SMG1: variants seen among roughly 807,000 people sequenced by gnomAD.
The protein encoded by SMG1 is SMG1 nonsense mediated mRNA decay associated PI3K related kinase, also known as serine/threonine-protein kinase SMG1.
In SMG1, 22 loss-of-function variants were observed where a neutral mutation model predicts 419.9. The ratio of observed to expected loss-of-function variants is 0.05; its 90% CI spans 0.04 to 0.07. The LOEUF (loss-of-function observed/expected upper bound fraction) is 0.07. Among genes scored for constraint, SMG1 ranks in the 10% least tolerant of loss-of-function variants. SMG1 has a pLI of 1.00. For missense variants in SMG1, 3,185 were observed against 4,342.0 expected, an observed-to-expected ratio of 0.73 and a Z score of 7.49; for synonymous variants, 1,538 against 1,553.5, an observed-to-expected ratio of 0.99 and a Z score of 0.23.
intron 4 of SMG1, among the ~76,000 whole-genome samples, chr16:18,891,967 T>C (rs11074341): frequency 0.52 from 78,321 of 151,944 alleles, 20,369 homozygotes; most frequent in Middle Eastern, 0.59. Context: ...CTCAGGAGGC[T>C]GCAGTGGGAG....
chr16:18,843,415 G>A (rs1007930707), intron 39 of SMG1, among the ~76,000 whole-genome samples: 1 of 152,180 alleles, frequency 6.6e-6, no homozygotes, highest in African/African-American at 2.4e-5. Flanking sequence ...CAGACTGTAT[G>A]TACAGTTGTG....
intron 46 of SMG1, 82 bp from the exon 47 acceptor site, chr16:18,836,614 A>G: frequency 2.1e-6 from 3 of 1,438,130 alleles, no homozygotes; most frequent in South Asian, 2.5e-5. Flanking sequence ...ATGTGCTCAC[A>G]CATGGACTGT....
Position 18,852,065 on chromosome 16 carries a change from G to A in SMG1, c.5052+2C>T. On this transcript the variant is annotated splice_donor_variant, in intron 33 of 62. Coordinates refer to ENST00000446231, the MANE Select transcript of SMG1 (RefSeq NM_015092.5). LOFTEE classifies it low-confidence loss of function (GC_TO_GT_DONOR). ...TTGCCCCAAGCACCATGTTTTCCTT[G>A]CCTGAATCCCCGCCGGCCGACACAC... 1 of 1,602,976 alleles carries A rather than the reference G, an allele frequency of 6.2e-7. No homozygotes were observed. Among genetic ancestry groups the A allele is most frequent in the South Asian group, 1.1e-5 (1 of 88,526 alleles).
At chr16:18,854,495 T>C (rs191357220) in intron 30 of SMG1, among the ~76,000 whole-genome samples, 161 bp downstream of exon 30, 27 of 152,232 alleles carry the variant, frequency 1.8e-4, no homozygotes, top group African/African-American at 6.0e-4. Context: ...ATTATAAAGG[T>C]AAGTCAGTAA....
At chr16:18,900,753 A>C (rs2037314206) in intron 1 of SMG1, among the ~76,000 whole-genome samples, 1 of 152,198 alleles carries the variant, frequency 6.6e-6, no homozygotes, top group Admixed American at 6.6e-5. Flanking sequence ...TTATTCTCTA[A>C]AGTAGCAAAG....
chr16:18,840,384 C>G (rs1019093699), intron 41 of SMG1, among the ~76,000 whole-genome samples: 8 of 152,210 alleles, frequency 5.3e-5, no homozygotes, highest in African/African-American at 1.9e-4. Context: ...TCTCTAATTA[C>G]TATTTGAAAT....
intron 26 of SMG1, 38 bp from the exon 27 acceptor site, chr16:18,859,741 C>T: frequency 1.3e-6 from 2 of 1,526,954 alleles, no homozygotes; most frequent in South Asian, 2.5e-5. Flanking sequence ...AGTTCATGTG[C>T]TTTTATTATA....
At position 18,872,259 on chromosome 16, in the gene SMG1, G is replaced by A; in HGVS notation, c.2108C>T (p.Thr703Ile). ...GAVISTVTTA[T>I]KKHFSIILNL... The stretch of plus-strand genomic sequence containing the variant: ...TAATATAATTGAGAAATGTTTCTTT[G>A]TAGCCGTAGTTACAGTGCTAATCAC... Residue 703 changes from threonine (T) to isoleucine (I), a missense_variant, in exon 15 of 63, where the codon ACA (threonine) becomes ATA (isoleucine). By Grantham distance (89) the Thr-to-Ile change is moderately conservative (BLOSUM62 -1). Around this residue, in one of 27 missense-constraint regions of SMG1, gnomAD observed 297 missense variants for 491.0 expected, o/e 0.60. Coordinates refer to ENST00000446231, the MANE Select transcript of SMG1 (RefSeq NM_015092.5). 6.3e-7 allele frequency: 1 copy of A among 1,593,460 alleles called. No homozygotes were observed. The highest frequency in any genetic ancestry group is 8.6e-7 in the Non-Finnish European group (1 of 1,166,494).
chr16:18,829,044 C>T (rs1283405558), intron 54 of SMG1, among the ~76,000 whole-genome samples: 1 of 150,948 alleles, frequency 6.6e-6, no homozygotes, highest in Non-Finnish European at 1.5e-5. Context: ...GCTTATCATA[C>T]AGCCTTGATG....
intron 38 of SMG1, 93 bp downstream of exon 38, chr16:18,847,360 C>A: frequency 7.3e-7 from 1 of 1,365,070 alleles, no homozygotes; most frequent in Non-Finnish European, 1.0e-6. Flanking sequence ...CTGAATTGTA[C>A]ACTTAAAAAT....
rs1567416057 is a variant in SMG1, at chr16:18,879,601, A to G, written c.1412T>C (p.Met471Thr). 7.2e-7 allele frequency: 1 copy of G among 1,379,524 alleles called. No individual in the cohort carries two copies. Among genetic ancestry groups the G allele is most frequent in the Non-Finnish European group, 1.0e-6 (1 of 1,001,462 alleles). 85.5% of individuals were successfully genotyped at this position (1,379,524 alleles called of 1,614,324 possible). Residue 471 changes from methionine to threonine, a missense_variant, in exon 11 of 63, where the codon ATG (methionine) becomes ACG (threonine). Transcript: ENST00000446231. ...GVLLGSLDPSMTIHCDMVITY... is the reference protein window; with the variant it reads ...GVLLGSLDPSTTIHCDMVITY... ...AATGACCATGTCACAATGTATAGTCATGCTAGGATCCAAGCTGCCGAGCAA... is the reference window on the plus strand; with the variant it reads ...AATGACCATGTCACAATGTATAGTCGTGCTAGGATCCAAGCTGCCGAGCAA...
chr16:18,820,091 G>A (rs988515663), intron 55 of SMG1, among the ~76,000 whole-genome samples: 11 of 152,034 alleles, frequency 7.2e-5, no homozygotes, highest in Admixed American at 2.0e-4. Context: ...TCAGCCTCCC[G>A]AGTAGCTGGG....
At chr16:18,886,365 G>T (rs983940344) in intron 6 of SMG1, among the ~76,000 whole-genome samples, 3 of 151,942 alleles carry the variant, frequency 2.0e-5, no homozygotes, top group Non-Finnish European at 2.9e-5. Flanking sequence ...AATAAATATA[G>T]GGCAAAAATA....
At chr16:18,834,461 C>T (rs1446740157) in intron 49 of SMG1, 23 bp from the exon 50 acceptor site, 2 of 1,596,512 alleles carry the variant, frequency 1.3e-6, no homozygotes, top group Non-Finnish European at 1.7e-6. Context: ...AATATCTGTA[C>T]AGTGAAACTT....
At position 18,816,404 on chromosome 16, in the gene SMG1, G is replaced by A. The variant is rs1426034722; in HGVS notation, c.10200C>T (p.Val3400=). ...QTEKEQQIET[V]CETIQNLVDN... ...CAACCAGATTCTGAATTGTTTCACA[G>A]ACCGTTTCTATCTGCTGCTCTTTCT... Residue 3400 remains valine (V), a synonymous_variant, in exon 58 of 63, where the codon GTC becomes GTT. Coordinates refer to ENST00000446231, the MANE Select transcript of SMG1 (RefSeq NM_015092.5). 2.5e-6 allele frequency: 4 copies of A among 1,613,766 alleles called. No homozygotes were observed. The highest frequency in any genetic ancestry group is 3.4e-6 in the Non-Finnish European group (4 of 1,179,852).
At chr16:18,816,956 T>C (rs1567315041) in intron 57 of SMG1, among the ~76,000 whole-genome samples, 1 of 152,174 alleles carries the variant, frequency 6.6e-6, no homozygotes. Flanking sequence ...TCATCTTCCA[T>C]AAGCCCTCTT....
intron 1 of SMG1, among the ~76,000 whole-genome samples, chr16:18,907,349 T>C (rs1468944362): frequency 3.9e-5 from 6 of 152,130 alleles, no homozygotes; most frequent in Non-Finnish European, 7.4e-5. Flanking sequence ...ACTTTCTCCT[T>C]GCATTTATTT....
chr16:18,841,397 C>CAAAAAAA (rs149043036), intron 41 of SMG1, among the ~76,000 whole-genome samples, 168 bp downstream of exon 41: 1 of 105,368 alleles, frequency 9.5e-6, no homozygotes, highest in Non-Finnish European at 1.9e-5. Flanking sequence ...GACTGTGTCT[C>CAAAAAAA]AAAAAAAAAA....
At chr16:18,889,781 T>G (rs956567015) in intron 5 of SMG1, among the ~76,000 whole-genome samples, 196 bp from the exon 6 acceptor site, 6 of 152,238 alleles carry the variant, frequency 3.9e-5, no homozygotes, top group Non-Finnish European at 7.3e-5. Flanking sequence ...AGTATCTGTC[T>G]GATATTACTT....
Sources: gnomAD v4.1 joint callset for allele counts (sites outside exome capture counted in the v4.1 genomes callset) on GRCh38, gnomAD v4.1.1 for gene constraint, gnomAD v4.1.1 regional missense constraint, MANE v1.5 for transcripts, NCBI Gene and HGNC (gene_info 2026-07-23, HGNC 2026-07-21) for gene names.